DRC9: variants seen among roughly 807,000 people sequenced by gnomAD.
DRC9 encodes dynein regulatory complex protein 9.
At chr3:197,925,923 T>C in the DRC9 span, 1 of 759,986 alleles carries the variant, frequency 1.3e-6, no homozygotes, top group Non-Finnish European at 2.4e-6. Flanking sequence ...GAAACAACAA[T>C]CTTTTACATG....
the DRC9 span, among the ~76,000 whole-genome samples, chr3:197,933,311 C>T: frequency 6.6e-6 from 1 of 151,112 alleles, no homozygotes; most frequent in Non-Finnish European, 1.5e-5. Flanking sequence ...TGTGGTGGTG[C>T]CCACCTGTAA....
At chr3:197,909,108 G>GAAATGTTCACA in the DRC9 span, among the ~76,000 whole-genome samples, 1 of 152,182 alleles carries the variant, frequency 6.6e-6, no homozygotes, top group Non-Finnish European at 1.5e-5. Context: ...CCAAGTTTCA[G>GAAATGTTCACA]GGTCCTGTTC....
the DRC9 span, among the ~76,000 whole-genome samples, chr3:197,896,998 C>A: frequency 6.6e-6 from 1 of 152,128 alleles, no homozygotes; most frequent in Non-Finnish European, 1.5e-5. Context: ...CGAACCATGT[C>A]AGATGGTGTT....
the DRC9 span, among the ~76,000 whole-genome samples, chr3:197,903,989 C>CACATATATATATACAT: frequency 2.4e-4 from 34 of 143,398 alleles, no homozygotes; most frequent in South Asian, 6.4e-4. Flanking sequence ...CATACACACA[C>CACATATATATATACAT]ACATATATAT....
chr3:197,960,078 T>G, the DRC9 span: 12 of 676,196 alleles, frequency 1.8e-5, no homozygotes, highest in South Asian at 5.9e-5. Flanking sequence ...GCGATGGACG[T>G]GATCGCCGCC....
chr3:197,940,226 C>A, the DRC9 span, among the ~76,000 whole-genome samples: 66 of 151,768 alleles, frequency 4.3e-4, no homozygotes, highest in African/African-American at 1.5e-3. Flanking sequence ...AAACTCCTGA[C>A]CTCAGGTGAT....
At chr3:197,908,159 G>A in the DRC9 span, among the ~76,000 whole-genome samples, 1 of 150,852 alleles carries the variant, frequency 6.6e-6, no homozygotes, top group Non-Finnish European at 1.5e-5. Context: ...TATCACAGGG[G>A]TGACTGTACC....
chr3:197,903,993 TATATATATACATAC>T, the DRC9 span, among the ~76,000 whole-genome samples: 4 of 104,994 alleles, frequency 3.8e-5, no homozygotes, highest in East Asian at 2.2e-4. Context: ...CACACACACA[TATATATATACATAC>T]ATATATATAT....
the DRC9 span, chr3:197,889,744 G>C: frequency 6.2e-7 from 1 of 1,613,426 alleles, no homozygotes; most frequent in Non-Finnish European, 8.5e-7. Context: ...TGAGTACGAC[G>C]TATGCTATGC....
At chr3:197,897,273 G>A in the DRC9 span, among the ~76,000 whole-genome samples, 1 of 152,050 alleles carries the variant, frequency 6.6e-6, no homozygotes, top group Non-Finnish European at 1.5e-5. Flanking sequence ...AGAGCAAAAG[G>A]AAAGCAGGTT....
At chr3:197,891,860 A>G in the DRC9 span, among the ~76,000 whole-genome samples, 2,601 of 152,286 alleles carry the variant, frequency 0.017, 63 homozygotes, top group African/African-American at 0.057. Context: ...GAGAATGTAC[A>G]TACACAAGTA....
At chr3:197,943,802 G>T in the DRC9 span, 1 of 1,614,122 alleles carries the variant, frequency 6.2e-7, no homozygotes, top group Non-Finnish European at 8.5e-7. Flanking sequence ...GTCTCCCTTC[G>T]TACTGAACGG....
At chr3:197,953,765 C>G in the DRC9 span, 1 of 585,772 alleles carries the variant, frequency 1.7e-6, no homozygotes, top group African/African-American at 1.9e-5. Context: ...TTTCCTTAAA[C>G]TTACTTGGTT....
the DRC9 span, chr3:197,945,633 T>G: frequency 1.1e-5 from 18 of 1,584,882 alleles, no homozygotes; most frequent in Non-Finnish European, 1.5e-5. Flanking sequence ...TCCATTCTTC[T>G]GTAGCTTCGT....
At chr3:197,899,364 T>A in the DRC9 span, among the ~76,000 whole-genome samples, 57,912 of 152,112 alleles carry the variant, frequency 0.38, 15,340 homozygotes, top group African/African-American at 0.76. Flanking sequence ...TGACAGCAAT[T>A]CAACAAAGCA....
At chr3:197,957,320 C>CA in the DRC9 span, 1 of 152,302 alleles carries the variant, frequency 6.6e-6, no homozygotes, top group South Asian at 2.1e-4. Context: ...GTCCCTCTGT[C>CA]ACACTGGCAG....
chr3:197,912,447 T>C, the DRC9 span: 4 of 460,316 alleles, frequency 8.7e-6, no homozygotes, highest in East Asian at 3.7e-5. Flanking sequence ...AAATTTCTTA[T>C]GTAAGCTCAA....
chr3:197,938,572 G>GTC, the DRC9 span: 1 of 1,612,964 alleles, frequency 6.2e-7, no homozygotes, highest in African/African-American at 1.3e-5. Flanking sequence ...TTTCTTCAGT[G>GTC]TCTCCGTAGT....
chr3:197,906,117 G>GT, the DRC9 span, among the ~76,000 whole-genome samples: 1 of 152,114 alleles, frequency 6.6e-6, no homozygotes, highest in Non-Finnish European at 1.5e-5. Context: ...TGCTGTGAAC[G>GT]TTTTTCTTGC....
Sources: allele counts gnomAD v4.1 joint callset (sites outside exome capture counted in the v4.1 genomes callset), GRCh38; gene constraint gnomAD v4.1.1; transcripts MANE v1.5; gene names NCBI Gene and HGNC (gene_info 2026-07-23, HGNC 2026-07-21).